LITAF: variants seen among roughly 807,000 people sequenced by gnomAD.
The protein encoded by LITAF is lipopolysaccharide-induced tumor necrosis factor-alpha factor.
A neutral mutation model predicts 14.5 loss-of-function variants in LITAF; 9 were observed. The observed-to-expected ratio is 0.62, with a 90% CI of 0.37 to 1.08. The LOEUF (loss-of-function observed/expected upper bound fraction) is 1.08, where lower values mean the gene tolerates loss of function less well. LITAF is among the 50% of genes least tolerant of loss of function. LITAF has a pLI of 0.01. For synonymous variants in LITAF, 98 were observed against 88.2 expected, an observed-to-expected ratio of 1.11 and a Z score of -0.62; for missense variants, 206 against 213.4, an observed-to-expected ratio of 0.97 and a Z score of 0.22.
chr16:11,620,861 C>T (rs771526700), intron 3 of LITAF, among the ~76,000 whole-genome samples: 2 of 152,204 alleles, frequency 1.3e-5, no homozygotes, highest in Admixed American at 1.3e-4. Flanking sequence ...GCAGCTGCTG[C>T]TCCAGGACAT....
chr16:11,553,612 T>G lies in LITAF; in HGVS notation c.298A>C (p.Asn100His), dbSNP rs947198136. Residue 100 changes from asparagine (N) to histidine (H), a missense_variant, in exon 3 of 4, where the codon AAC (asparagine) becomes CAC (histidine). Asn to His is a moderately conservative substitution (Grantham distance 68, BLOSUM62 1). Transcript: ENST00000622633. The surrounding 1 kb of genome is among the most constrained non-coding windows in gnomAD (Gnocchi z 7.7). ...GACAGCTGACTCACGATCATCTTGT[T>G]GCAGGAAGGACAACACATTTGGATA... is the stretch of plus-strand genomic sequence containing the variant. ...RPIQMCCPSCNKMIVSQLSYN... is the reference protein window; with the variant it reads ...RPIQMCCPSCHKMIVSQLSYN... 6.2e-7 allele frequency: 1 copy of G among 1,614,030 alleles called. No homozygotes were observed. The highest frequency in any genetic ancestry group is 8.5e-7 in the Non-Finnish European group (1 of 1,180,028).
intron 2 of LITAF, among the ~76,000 whole-genome samples, chr16:11,635,034 A>AAAAATAAAATAAAATAAAAT (rs55724396): frequency 7.0e-6 from 1 of 141,968 alleles, no homozygotes; most frequent in African/African-American, 2.6e-5. Context: ...ACTCCATCTC[A>AAAAATAAAATAAAATAAAAT]AAAATAAAAT....
intron 1 of LITAF, among the ~76,000 whole-genome samples, chr16:11,594,867 C>G (rs1021045486): frequency 6.9e-6 from 1 of 144,724 alleles, no homozygotes; most frequent in African/African-American, 2.6e-5. Flanking sequence ...CAGAGCAAGA[C>G]TCCATCTCAA....
chr16:11,639,224 G>T (rs113776047), upstream of LITAF, among the ~76,000 whole-genome samples: 255 of 152,164 alleles, frequency 1.7e-3, no homozygotes, highest in Non-Finnish European at 3.2e-3. Flanking sequence ...TGGTTAGAGG[G>T]AGAGAGGGAT....
chr16:11,572,362 C>A (rs2064557170), intron 1 of LITAF, among the ~76,000 whole-genome samples: 1 of 152,100 alleles, frequency 6.6e-6, no homozygotes, highest in Non-Finnish European at 1.5e-5. Context: ...TGAAATGATG[C>A]TCCAGTCCTC....
chr16:11,609,635 C>T (rs561602776), intron 3 of LITAF, among the ~76,000 whole-genome samples: 1 of 152,278 alleles, frequency 6.6e-6, no homozygotes, highest in South Asian at 2.1e-4. Context: ...CTGGCTGTGC[C>T]ACTTCCCGGC....
chr16:11,585,618 A>G (rs897230528), intron 1 of LITAF, among the ~76,000 whole-genome samples: 5 of 152,136 alleles, frequency 3.3e-5, no homozygotes, highest in Non-Finnish European at 7.4e-5. Flanking sequence ...TTAGTCCTAA[A>G]TAGGAAGTCC....
At chr16:11,589,639 T>C (rs1396532783), upstream of LITAF, among the ~76,000 whole-genome samples, 2 of 148,072 alleles carry the variant, frequency 1.4e-5, no homozygotes, top group African/African-American at 5.1e-5. Context: ...TTTTTTTTTT[T>C]CGAGACAGGG....
chr16:11,623,990 G>C (rs1036901243), intron 3 of LITAF, among the ~76,000 whole-genome samples: 7 of 151,818 alleles, frequency 4.6e-5, no homozygotes, highest in African/African-American at 1.7e-4. Flanking sequence ...TTTAAAAGAA[G>C]AATCACTCTC....
upstream of LITAF, among the ~76,000 whole-genome samples, chr16:11,640,110 T>C (rs2065159242): frequency 6.6e-6 from 1 of 152,164 alleles, no homozygotes; most frequent in African/African-American, 2.4e-5. Context: ...GTTTGTTGAC[T>C]GTCCTCTCAG....
chr16:11,563,031 G>C (rs1053736721), intron 1 of LITAF, among the ~76,000 whole-genome samples: 3 of 150,956 alleles, frequency 2.0e-5, no homozygotes, highest in African/African-American at 7.3e-5. Context: ...AGGAAGCTGA[G>C]GTCGGAGGAT....
At chr16:11,615,486 G>A (rs933642575) in intron 3 of LITAF, among the ~76,000 whole-genome samples, 1 of 151,126 alleles carries the variant, frequency 6.6e-6, no homozygotes, top group African/African-American at 2.4e-5. Flanking sequence ...GCGGTGAGCC[G>A]AGATCACACC....
At chr16:11,580,665 T>G (rs2064718373) in intron 1 of LITAF, among the ~76,000 whole-genome samples, 1 of 152,200 alleles carries the variant, frequency 6.6e-6, no homozygotes, top group Non-Finnish European at 1.5e-5. Flanking sequence ...AGAGGCTTTT[T>G]ATCTGCATTA....
At chr16:11,585,528 G>C (rs555249899) in intron 1 of LITAF, among the ~76,000 whole-genome samples, 2 of 152,266 alleles carry the variant, frequency 1.3e-5, no homozygotes, top group East Asian at 3.9e-4. Context: ...ACGCCATCTA[G>C]ATCCTGCTCC....
At chr16:11,552,171 G>A (rs906242735) in intron 3 of LITAF, among the ~76,000 whole-genome samples, 69 of 152,152 alleles carry the variant, frequency 4.5e-4, no homozygotes, top group Non-Finnish European at 9.1e-4. Flanking sequence ...GGTTGCATGA[G>A]GCTCCTGAAA....
intron 3 of LITAF, among the ~76,000 whole-genome samples, chr16:11,628,009 C>CAAAAAAAAAAAAAAAAAA (rs34480494): frequency 1.8e-5 from 1 of 54,752 alleles, no homozygotes; most frequent in Non-Finnish European, 3.2e-5. Flanking sequence ...GAGACTCTGT[C>CAAAAAAAAAAAAAAAAAA]AAAAAAAAAA....
intron 1 of LITAF, among the ~76,000 whole-genome samples, chr16:11,582,067 C>T (rs1334582571): frequency 1.3e-5 from 2 of 152,050 alleles, no homozygotes; most frequent in Admixed American, 6.6e-5. Flanking sequence ...TGTATATTTT[C>T]AAATAGCTAG....
At chr16:11,609,667 C>A (rs1211821810) in intron 3 of LITAF, among the ~76,000 whole-genome samples, 1 of 152,190 alleles carries the variant, frequency 6.6e-6, no homozygotes, top group Non-Finnish European at 1.5e-5. Context: ...GAGCAAGTTA[C>A]TTCACCTCCC....
chr16:11,609,893 G>A (rs376304000), intron 3 of LITAF, among the ~76,000 whole-genome samples: 31 of 152,290 alleles, frequency 2.0e-4, no homozygotes, highest in African/African-American at 7.0e-4. Context: ...TTTCACTGTC[G>A]TCCAAGGCCT....
Sources: allele counts gnomAD v4.1 joint callset (sites outside exome capture counted in the v4.1 genomes callset), GRCh38; gene constraint gnomAD v4.1.1; non-coding constraint Gnocchi (gnomAD v3.1); transcripts MANE v1.5; gene names NCBI Gene and HGNC (gene_info 2026-07-23, HGNC 2026-07-21).